FAAH2: variants seen among roughly 807,000 people sequenced by gnomAD.
FAAH2 encodes the protein fatty acid amide hydrolase 2.
Under a neutral mutation model 36.9 loss-of-function variants are expected in FAAH2, and 60 were observed. That is an observed-to-expected ratio of 1.63 (90% CI 1.32 to 2.02). The LOEUF (loss-of-function observed/expected upper bound fraction) is 2.02, where lower values mean the gene tolerates loss of function less well. Among genes scored for constraint, FAAH2 ranks in the 30% most tolerant of loss-of-function variants. FAAH2 has a pLI of 0.00. For missense variants in FAAH2, 689 were observed against 397.5 expected (o/e 1.73, Z -6.23); for synonymous variants, 214 against 143.8 (o/e 1.49, Z -3.49).
rs1004667052 is a variant in FAAH2 at position 57,451,792 on chromosome X, CA to C, written c.1423+3082del. Among the ~76,000 whole-genome samples the C allele has an allele frequency of 4.5e-5, 5 of 111,186 alleles. No individual in the cohort carries two copies. The East Asian group carries it at 1.4e-3, about 32-fold the overall frequency. Reference sequence around the variant, plus strand: ...ACATTCACAGCCATGCTAAAAACTGCAAAAAAAATTTATTTGTCTTGGCACC... The same window carrying C: ...ACATTCACAGCCATGCTAAAAACTGCAAAAAAATTTATTTGTCTTGGCACC... On this transcript the variant is annotated intron_variant, in intron 10 of 10. Transcript: ENST00000374900.
chrX:57,261,427 C>A, the FAAH2 span, among the ~76,000 whole-genome samples: 1 of 108,143 alleles, frequency 9.2e-6, no homozygotes, highest in South Asian at 4.1e-4. Context: ...GTGGTGCGTT[C>A]CTGTAATCCC....
At chrX:57,403,844 C>T (rs759571443) in intron 7 of FAAH2, among the ~76,000 whole-genome samples, 2 of 112,424 alleles carry the variant, frequency 1.8e-5, no homozygotes, top group East Asian at 5.6e-4. Context: ...TTTAAATCCC[C>T]TGTTAGGAAA....
Position 57,380,967 on chromosome X carries a change from C to A in FAAH2, c.934C>A (p.His312Asn), listed in dbSNP as rs200177220. The A allele has an allele frequency of 3.1e-4, 377 of 1,200,308 alleles. No individual in the cohort carries two copies. The highest frequency in any genetic ancestry group is 4.1e-4 in the Non-Finnish European group (363 of 890,748). The change falls in exon 7 of 11, where the codon CAT (histidine) becomes AAT (asparagine). Residue 312 changes from histidine (H) to asparagine (N), a missense_variant. Transcript: ENST00000374900. ...LKDLKFYWMEHDGGSFLMSKV... is the reference protein window; with the variant it reads ...LKDLKFYWMENDGGSFLMSKV... ...AGACTTAAAATTTTACTGGATGGAA[C>A]ATGATGGAGGCTCATTTTTAATGTC...
At chrX:57,394,680 G>GTT in intron 7 of FAAH2, 1 of 921,240 alleles carries the variant, frequency 1.1e-6, no homozygotes. Context: ...TCTCCCATTT[G>GTT]TTTTTTTTAT....
intron 7 of FAAH2, among the ~76,000 whole-genome samples, chrX:57,410,208 C>T (rs2055665040): frequency 9.0e-6 from 1 of 110,816 alleles, no homozygotes; most frequent in Non-Finnish European, 1.9e-5. Context: ...AGTTTCATAA[C>T]ATTGTGGCTG....
chrX:57,418,346 G>A (rs184112315), intron 7 of FAAH2, among the ~76,000 whole-genome samples: 1 of 111,783 alleles, frequency 8.9e-6, no homozygotes, highest in African/African-American at 3.2e-5. Context: ...TGAAGCCCAG[G>A]GCCCTGGTGG....
chrX:57,389,991 C>T (rs1010836624), intron 7 of FAAH2, among the ~76,000 whole-genome samples: 8 of 110,048 alleles, frequency 7.3e-5, no homozygotes, highest in African/African-American at 2.6e-4. Context: ...TGCATGTCTC[C>T]TTTGAAGAAA....
At chrX:57,400,564 G>A (rs1196202390) in intron 7 of FAAH2, among the ~76,000 whole-genome samples, 1 of 112,322 alleles carries the variant, frequency 8.9e-6, no homozygotes, top group Non-Finnish European at 1.9e-5. Context: ...GGCTTTCCGA[G>A]TTTTCTTAAT....
the FAAH2 span, among the ~76,000 whole-genome samples, chrX:57,173,737 A>G: frequency 9.0e-6 from 1 of 111,627 alleles, no homozygotes; most frequent in Non-Finnish European, 1.9e-5. Context: ...TTTGAGGTAT[A>G]TTTCTTATAT....
the FAAH2 span, among the ~76,000 whole-genome samples, chrX:57,236,485 T>C: frequency 2.7e-5 from 3 of 112,342 alleles, no homozygotes; most frequent in East Asian, 8.3e-4. Flanking sequence ...CCTTTCTTCG[T>C]GTCCTTGACA....
intron 5 of FAAH2, among the ~76,000 whole-genome samples, chrX:57,348,670 C>T (rs893156887): frequency 1.6e-4 from 18 of 111,378 alleles, no homozygotes; most frequent in East Asian, 8.6e-4. Context: ...AGAAGGAAAC[C>T]GCAGATAGCT....
At position 57,352,076 on chromosome X, in the gene FAAH2, ATATGTGTATATATATG is replaced by A. The variant is rs1222113788; in HGVS notation, c.742+10687_742+10702del. On this transcript the variant is annotated intron_variant, in intron 5 of 10. Transcript: ENST00000374900. ...TATATATATATATATACACATATAT[ATATGTGTATATATATG>A]CACATATATATATATGTGTATATAT... Among the ~76,000 whole-genome samples, 221 of 32,682 alleles carry A rather than the reference ATATGTGTATATATATG, an allele frequency of 6.8e-3. 21 individuals are homozygous for A. Among genetic ancestry groups the A allele is most frequent in the Admixed American group, 9.7e-3 (22 of 2,260 alleles). The allele number at this position is 32,682 out of a possible 115,157, so 28.4% of individuals were successfully genotyped here.
At chrX:57,253,511 G>T in the FAAH2 span, among the ~76,000 whole-genome samples, 2 of 111,680 alleles carry the variant, frequency 1.8e-5, no homozygotes, top group African/African-American at 6.5e-5. Flanking sequence ...GTTAATGGCA[G>T]CCGGAGAGAA....
chrX:57,342,919 C>T lies in FAAH2; in HGVS notation c.742+1529C>T, dbSNP rs11091643. Reference sequence around the variant, plus strand: ...GTTAATTAGCTTAGGATAATAATGGCCTCTAGCTGCATCCATACTATTGCA... The same window carrying T: ...GTTAATTAGCTTAGGATAATAATGGTCTCTAGCTGCATCCATACTATTGCA... On this transcript the variant is annotated intron_variant, in intron 5 of 10. Transcript: ENST00000374900. Among the ~76,000 whole-genome samples, 1,065 of 111,511 alleles carry T rather than the reference C, an allele frequency of 9.6e-3. 14 individuals are homozygous for T. The highest frequency in any genetic ancestry group is 0.033 in the African/African-American group (1,027 of 30,710).
At chrX:57,183,478 T>C in the FAAH2 span, among the ~76,000 whole-genome samples, 62 of 111,752 alleles carry the variant, frequency 5.5e-4, no homozygotes, top group East Asian at 5.9e-3. Flanking sequence ...ATGTTAAGAA[T>C]TGTTGCGGGA....
At chrX:57,473,451 T>C (rs2057206830) in intron 10 of FAAH2, among the ~76,000 whole-genome samples, 1 of 111,614 alleles carries the variant, frequency 9.0e-6, no homozygotes, top group Non-Finnish European at 1.9e-5. Flanking sequence ...CAAGCATATG[T>C]TCAATTTTGG....
the FAAH2 span, among the ~76,000 whole-genome samples, chrX:57,162,197 C>T: frequency 8.9e-6 from 1 of 112,012 alleles, no homozygotes; most frequent in Non-Finnish European, 1.9e-5. Flanking sequence ...CCCCCAATCT[C>T]TTCTGGTTTG....
At chrX:57,174,718 C>G in the FAAH2 span, among the ~76,000 whole-genome samples, 1 of 111,392 alleles carries the variant, frequency 9.0e-6, no homozygotes, top group African/African-American at 3.3e-5. Flanking sequence ...GTGTTTAGTG[C>G]TATAAAGTTT....
chrX:57,480,847 A>G (rs1217857562), intron 10 of FAAH2, among the ~76,000 whole-genome samples: 3 of 109,345 alleles, frequency 2.7e-5, no homozygotes, highest in Admixed American at 9.8e-5. Context: ...ACTTGATTCC[A>G]TTCTCCCCAT....
Sources: allele counts gnomAD v4.1 joint callset (sites outside exome capture counted in the v4.1 genomes callset), GRCh38; gene constraint gnomAD v4.1.1; transcripts MANE v1.5; gene names NCBI Gene and HGNC (gene_info 2026-07-23, HGNC 2026-07-21).